NAA15: variants seen among roughly 807,000 people sequenced by gnomAD.
The protein encoded by NAA15 is N-alpha-acetyltransferase 15, NatA auxiliary subunit, also known as N-terminal acetyltransferase.
NAA15 carries 34 observed loss-of-function variants against 114.0 expected under a neutral mutation model. The observed-to-expected ratio is 0.30, with a 90% CI of 0.23 to 0.40. The LOEUF (loss-of-function observed/expected upper bound fraction) is 0.40, where lower values mean the gene tolerates loss of function less well. NAA15 is among the 10% of genes least tolerant of loss of function. The pLI, the probability that NAA15 is intolerant of heterozygous loss-of-function variation, is 1.00. For synonymous variants in NAA15, 340 were observed against 338.0 expected (o/e 1.01, Z -0.06); for missense variants, 658 against 1,004.5 (o/e 0.66, Z 4.66).
intron 17 of NAA15, chr4:139,379,140 G>T (rs1407981528): frequency 8.7e-6 from 2 of 230,080 alleles, no homozygotes; most frequent in Non-Finnish European, 1.7e-5. Context: ...ACCATATTTT[G>T]TTATGTAAAA....
intron 13 of NAA15, 63 bp downstream of exon 13, chr4:139,360,691 A>C: frequency 5.7e-6 from 8 of 1,408,856 alleles, no homozygotes; most frequent in Non-Finnish European, 7.5e-6. Context: ...GACAAATTTC[A>C]TAGTTTTTTT....
chr4:139,380,672 C>T lies in NAA15; in HGVS notation c.2155+1818C>T, dbSNP rs201490652. On this transcript the variant is annotated intron_variant, in intron 17 of 19. Transcript: ENST00000296543. Reference sequence around the variant, plus strand: ...ATTGCTCTTTGTGTTCAGCTGAAATCGTCATCACTTTACAAAGTGATCTAA... The same window carrying T: ...ATTGCTCTTTGTGTTCAGCTGAAATTGTCATCACTTTACAAAGTGATCTAA... 6.6e-5 allele frequency among the ~76,000 whole-genome samples: 10 copies of T among 152,216 alleles called. No individual in the cohort carries two copies. In the East Asian group the frequency reaches 1.7e-3, roughly 26 times the overall value.
chr4:139,380,543 G>A (rs1223315183), intron 17 of NAA15, among the ~76,000 whole-genome samples: 1 of 152,138 alleles, frequency 6.6e-6, no homozygotes, highest in Non-Finnish European at 1.5e-5. Context: ...TGATTAACAT[G>A]AGTGTTTTCT....
chr4:139,317,677 T>TA (rs1367752710), intron 1 of NAA15, among the ~76,000 whole-genome samples: 5 of 152,190 alleles, frequency 3.3e-5, no homozygotes, highest in Non-Finnish European at 7.3e-5. Context: ...ATAGGGGACT[T>TA]AATCTGTGTT....
intron 1 of NAA15, among the ~76,000 whole-genome samples, chr4:139,332,259 C>G (rs1036320337): frequency 6.6e-6 from 1 of 151,722 alleles, no homozygotes; most frequent in African/African-American, 2.4e-5. Flanking sequence ...GCTTCCCAAG[C>G]AGCTAGGATT....
chr4:139,386,312 CTG>C (rs766159290), intron 19 of NAA15, 82 bp downstream of exon 19: 8 of 698,436 alleles, frequency 1.1e-5, no homozygotes, highest in Non-Finnish European at 1.9e-5. Flanking sequence ...TTTATACACA[CTG>C]TTTTTTAAAT....
intron 14 of NAA15, among the ~76,000 whole-genome samples, chr4:139,366,603 G>T (rs1322301919): frequency 2.1e-4 from 30 of 144,184 alleles, no homozygotes; most frequent in East Asian, 1.2e-3. Flanking sequence ...TCATTTTTGG[G>T]TTTTTTTTTT....
chr4:139,335,585 C>G (rs993035186), intron 2 of NAA15, among the ~76,000 whole-genome samples: 2 of 150,924 alleles, frequency 1.3e-5, no homozygotes, highest in Non-Finnish European at 3.0e-5. Context: ...AGGCTGGTCT[C>G]AAACTCCTGA....
At chr4:139,377,909 G>A (rs1223256970) in intron 16 of NAA15, among the ~76,000 whole-genome samples, 2 of 152,158 alleles carry the variant, frequency 1.3e-5, no homozygotes, top group African/African-American at 2.4e-5. Flanking sequence ...CTTAAAGTAG[G>A]GAAGGGCAAT....
chr4:139,371,497 G>GCACACACACACACACACACACACACACA, intron 15 of NAA15, among the ~76,000 whole-genome samples: 1 of 113,678 alleles, frequency 8.8e-6, no homozygotes, highest in East Asian at 2.8e-4. Flanking sequence ...AAGAAAAGTA[G>GCACACACACACACACACACACACACACA]CACACACACA....
chr4:139,310,379 A>G (rs866631801), intron 1 of NAA15, among the ~76,000 whole-genome samples: 5 of 148,378 alleles, frequency 3.4e-5, no homozygotes, highest in Admixed American at 6.7e-5. Flanking sequence ...GCGTGAACCC[A>G]GGAGGCGGAG....
intron 16 of NAA15, among the ~76,000 whole-genome samples, chr4:139,377,482 G>A (rs1441946750): frequency 1.3e-5 from 2 of 151,608 alleles, no homozygotes; most frequent in Non-Finnish European, 2.9e-5. Flanking sequence ...AGGTTGTGGT[G>A]AGCCTAGATC....
chr4:139,378,988 AGGGCTTTTTT>A, intron 17 of NAA15, 134 bp downstream of exon 17: 2 of 543,886 alleles, frequency 3.7e-6, no homozygotes, highest in South Asian at 6.0e-5. Flanking sequence ...AGGGAAAAGC[AGGGCTTTTTT>A]CTTTATGATG....
chr4:139,326,184 G>C (rs965372435), intron 1 of NAA15, among the ~76,000 whole-genome samples: 1 of 152,132 alleles, frequency 6.6e-6, no homozygotes, highest in Non-Finnish European at 1.5e-5. Flanking sequence ...TAGGGAAGTA[G>C]TTACAATGGT....
At chr4:139,370,484 A>G in intron 15 of NAA15, 80 bp downstream of exon 15, 1 of 1,393,690 alleles carries the variant, frequency 7.2e-7, no homozygotes, top group South Asian at 1.8e-5. Context: ...CTTATTTGAC[A>G]GTATATAACC....
intron 1 of NAA15, among the ~76,000 whole-genome samples, chr4:139,307,496 G>C (rs1746063713): frequency 6.6e-6 from 1 of 152,136 alleles, no homozygotes; most frequent in Non-Finnish European, 1.5e-5. Context: ...TGAACTCCTG[G>C]GATCAAGCAG....
intron 14 of NAA15, among the ~76,000 whole-genome samples, chr4:139,362,819 C>G (rs7686110): frequency 0.54 from 81,814 of 151,854 alleles, 24,321 homozygotes; most frequent in African/African-American, 0.81. Flanking sequence ...CTCATACGTA[C>G]AAAAATATGA....
intron 1 of NAA15, among the ~76,000 whole-genome samples, chr4:139,313,955 G>T (rs1317797138): frequency 6.6e-6 from 1 of 151,806 alleles, no homozygotes; most frequent in Non-Finnish European, 1.5e-5. Context: ...AGGGCTTATG[G>T]GGAAAATGAG....
chr4:139,330,341 G>T (rs1360258866), intron 1 of NAA15, among the ~76,000 whole-genome samples: 1 of 152,152 alleles, frequency 6.6e-6, no homozygotes, highest in Non-Finnish European at 1.5e-5. Flanking sequence ...ACTAAATTTA[G>T]TTACTTAGTC....
Sources: allele counts gnomAD v4.1 joint callset (sites outside exome capture counted in the v4.1 genomes callset), GRCh38; gene constraint gnomAD v4.1.1; transcripts MANE v1.5; gene names NCBI Gene and HGNC (gene_info 2026-07-23, HGNC 2026-07-21).